The following GABRB3 variants were observed in gnomAD, a reference collection of about 807,000 sequenced individuals.
GABRB3 encodes gamma-aminobutyric acid receptor subunit beta-3.
GABRB3 carries 14 observed loss-of-function variants against 52.1 expected under a neutral mutation model. That is an observed-to-expected ratio of 0.27 (90% CI 0.18 to 0.42). GABRB3 has a LOEUF of 0.42. Among genes scored for constraint, GABRB3 ranks in the 10% least tolerant of loss-of-function variants. The probability of loss-of-function intolerance (pLI) is 1.00; values close to 1 mark genes in which losing one functional copy is unlikely to be tolerated. For synonymous variants in GABRB3, 260 were observed against 232.3 expected (o/e 1.12, Z -1.08); for missense variants, 307 against 609.1 (o/e 0.50, Z 5.22).
At chr15:26,693,729 T>C (rs777182763) in intron 3 of GABRB3, among the ~76,000 whole-genome samples, 10 of 152,012 alleles carry the variant, frequency 6.6e-5, no homozygotes, top group Non-Finnish European at 1.2e-4. Context: ...GAATCATAGC[T>C]CACTAAGAGG....
chr15:26,707,213 CA>C (rs67191843), intron 3 of GABRB3, among the ~76,000 whole-genome samples: 2,034 of 152,258 alleles, frequency 0.013, 44 homozygotes, highest in African/African-American at 0.046. Context: ...ATAAGGTTCC[CA>C]GTGAGAAGAG....
chr15:26,687,220 T>C (rs1382688173), intron 3 of GABRB3, among the ~76,000 whole-genome samples: 1 of 152,272 alleles, frequency 6.6e-6, no homozygotes, highest in East Asian at 1.9e-4. Context: ...TGCAGTTTCA[T>C]AATTTATTTT....
intron 3 of GABRB3, among the ~76,000 whole-genome samples, chr15:26,713,867 A>G (rs1431885862): frequency 1.3e-5 from 2 of 152,172 alleles, no homozygotes; most frequent in Admixed American, 1.3e-4. Flanking sequence ...AAGAGACCCA[A>G]GAAGGAAGCA....
intron 3 of GABRB3, among the ~76,000 whole-genome samples, chr15:26,638,953 T>G (rs1262995909): frequency 6.6e-6 from 1 of 152,170 alleles, no homozygotes; most frequent in East Asian, 1.9e-4. Flanking sequence ...AACACAGTCT[T>G]CCACTCGCTT....
At chr15:26,668,998 T>C (rs996200614) in intron 3 of GABRB3, among the ~76,000 whole-genome samples, 4 of 152,198 alleles carry the variant, frequency 2.6e-5, no homozygotes, top group Non-Finnish European at 2.9e-5. Flanking sequence ...CAGATAACTA[T>C]TGTACCTGCC....
chr15:26,561,854 A>G (rs1405601903), intron 7 of GABRB3, among the ~76,000 whole-genome samples: 1 of 152,228 alleles, frequency 6.6e-6, no homozygotes, highest in Non-Finnish European at 1.5e-5. Context: ...TCTGTACACA[A>G]GCTGCTTAGG....
At chr15:26,569,765 C>T (rs865878112) in intron 6 of GABRB3, among the ~76,000 whole-genome samples, 1 of 152,210 alleles carries the variant, frequency 6.6e-6, no homozygotes. Context: ...ATAAAAGTGC[C>T]TAGCACACCT....
chr15:26,625,801 T>G (rs1892668080), intron 3 of GABRB3, among the ~76,000 whole-genome samples: 1 of 152,064 alleles, frequency 6.6e-6, no homozygotes, highest in Non-Finnish European at 1.5e-5. Context: ...GACAAGGGGC[T>G]GGGGAGGTAG....
intron 3 of GABRB3, among the ~76,000 whole-genome samples, chr15:26,749,484 T>G (rs1890441968): frequency 6.6e-6 from 1 of 152,208 alleles, no homozygotes; most frequent in African/African-American, 2.4e-5. Context: ...GAAAAGAATG[T>G]TTATTCTGCT....
intron 3 of GABRB3, chr15:26,658,558 G>A (rs892839083): frequency 1.3e-5 from 2 of 152,198 alleles, no homozygotes; most frequent in African/African-American, 4.8e-5. Flanking sequence ...GATATCTGGA[G>A]GATCCCAGTG....
intron 3 of GABRB3, among the ~76,000 whole-genome samples, chr15:26,674,061 C>T (rs1398213325): frequency 6.6e-6 from 1 of 151,540 alleles, no homozygotes; most frequent in East Asian, 1.9e-4. Context: ...ATATTTAACC[C>T]CCCCCTTTTT....
Position 26,621,165 on chromosome 15 carries a change from ATTTT to A in GABRB3, c.461+145_461+148del. On this transcript the variant is annotated intron_variant, in intron 4 of 8. Coordinates refer to ENST00000311550, the MANE Select transcript of GABRB3 (RefSeq NM_000814.6). The surrounding 1 kb of genome is among the most constrained non-coding windows in gnomAD (Gnocchi z 4.1). ...ATGCCCCAAATTTTATGGTTATGAG[ATTTT>A]TTTTTCTGCAAAGCTTTAGTGCTTC... 1 of 698,842 alleles carries A rather than the reference ATTTT, an allele frequency of 1.4e-6. No homozygotes were observed. The highest frequency in any genetic ancestry group is 2.5e-6 in the Non-Finnish European group (1 of 400,046). 43.3% of individuals were successfully genotyped at this position (698,842 alleles called of 1,614,324 possible). A position where few individuals can be genotyped will look rare whatever the true frequency, so the allele number is the denominator to read the frequency against.
chr15:26,633,900 C>T (rs1309502174), intron 3 of GABRB3, among the ~76,000 whole-genome samples: 1 of 152,200 alleles, frequency 6.6e-6, no homozygotes, highest in Non-Finnish European at 1.5e-5. Flanking sequence ...TGAGCGTTAG[C>T]CGTCTCTTGG....
At chr15:26,629,264 G>A (rs938606852) in intron 3 of GABRB3, 6 of 1,193,182 alleles carry the variant, frequency 5.0e-6, no homozygotes, top group East Asian at 2.8e-5. Flanking sequence ...CGAGAGGGAG[G>A]AGGCGTGGTC....
At chr15:26,690,077 A>G (rs565836542) in intron 3 of GABRB3, among the ~76,000 whole-genome samples, 1 of 149,564 alleles carries the variant, frequency 6.7e-6, no homozygotes, top group East Asian at 2.0e-4. Context: ...TCTTTTTTTT[A>G]CCAATCTGGA....
At chr15:26,746,397 C>T (rs931645744) in intron 3 of GABRB3, among the ~76,000 whole-genome samples, 8 of 151,972 alleles carry the variant, frequency 5.3e-5, no homozygotes, top group African/African-American at 7.3e-5. Context: ...TCTAAGTGTA[C>T]GGAGTCTTTA....
intron 4 of GABRB3, among the ~76,000 whole-genome samples, chr15:26,604,322 G>T (rs1161602683): frequency 6.6e-6 from 1 of 152,118 alleles, no homozygotes; most frequent in Non-Finnish European, 1.5e-5. Flanking sequence ...AATCATTATT[G>T]TTAAAATGTC....
At chr15:26,721,909 C>T (rs1383893421) in intron 3 of GABRB3, among the ~76,000 whole-genome samples, 1 of 152,048 alleles carries the variant, frequency 6.6e-6, no homozygotes, top group East Asian at 1.9e-4. Flanking sequence ...GACCATTGGT[C>T]CATGATAATT....
At chr15:26,734,142 A>G (rs1248729513) in intron 3 of GABRB3, among the ~76,000 whole-genome samples, 1 of 147,058 alleles carries the variant, frequency 6.8e-6, no homozygotes. Flanking sequence ...CAATTCTCCT[A>G]CCTCAGTATC....
Sources: gnomAD v4.1 joint callset for allele counts (sites outside exome capture counted in the v4.1 genomes callset) on GRCh38, gnomAD v4.1.1 for gene constraint, Gnocchi (gnomAD v3.1) non-coding constraint, MANE v1.5 for transcripts, NCBI Gene and HGNC (gene_info 2026-07-23, HGNC 2026-07-21) for gene names.